AASDHPPT: variants seen among roughly 807,000 people sequenced by gnomAD.
AASDHPPT encodes aminoadipate-semialdehyde dehydrogenase-phosphopantetheinyl transferase.
In AASDHPPT, 23 loss-of-function variants were observed where a neutral mutation model predicts 36.4. The ratio of observed to expected loss-of-function variants is 0.63; its 90% CI spans 0.45 to 0.89. AASDHPPT has a LOEUF of 0.89. Among genes scored for constraint, AASDHPPT ranks in the 40% least tolerant of loss-of-function variants. The pLI is 0.00. For synonymous variants in AASDHPPT, 115 were observed against 128.0 expected (o/e 0.90, Z 0.68); for missense variants, 377 against 378.2 (o/e 1.00, Z 0.03).
intron 2 of AASDHPPT, among the ~76,000 whole-genome samples, chr11:106,084,734 A>T (rs1259240654): frequency 6.6e-6 from 1 of 151,938 alleles, no homozygotes; most frequent in African/African-American, 2.4e-5. Context: ...GGTTCAAGCA[A>T]TTCTTTTGCC....
intron 2 of AASDHPPT, among the ~76,000 whole-genome samples, chr11:106,082,094 T>C (rs1861149208): frequency 6.6e-6 from 1 of 152,168 alleles, no homozygotes; most frequent in Admixed American, 6.5e-5. Flanking sequence ...ATTGTGTTAT[T>C]AGACCTCCCC....
chr11:106,088,979 G>A (rs1341165163), intron 2 of AASDHPPT, among the ~76,000 whole-genome samples: 2 of 151,964 alleles, frequency 1.3e-5, no homozygotes, highest in Admixed American at 6.6e-5. Flanking sequence ...TGACAGAACC[G>A]ATTTTTAATA....
At chr11:106,090,132 A>G (rs1861240503) in intron 2 of AASDHPPT, among the ~76,000 whole-genome samples, 2 of 152,032 alleles carry the variant, frequency 1.3e-5, no homozygotes, top group African/African-American at 4.8e-5. Flanking sequence ...TTAGAATAAT[A>G]TGGCTCTACT....
chr11:106,088,761 TGGCCCCAAAAGG>T, intron 2 of AASDHPPT, among the ~76,000 whole-genome samples: 1 of 152,148 alleles, frequency 6.6e-6, no homozygotes, highest in African/African-American at 2.4e-5. Context: ...AAGGGATCCA[TGGCCCCAAAAGG>T]GGTAAGAATT....
chr11:106,093,674 T>C (rs1456259142), intron 4 of AASDHPPT: 1 of 152,224 alleles, frequency 6.6e-6, no homozygotes, highest in Non-Finnish European at 1.5e-5. Context: ...TGACGTTTTA[T>C]GGAAGAATGC....
At chr11:106,078,858 G>A (rs1297447355) in intron 1 of AASDHPPT, among the ~76,000 whole-genome samples, 2 of 152,140 alleles carry the variant, frequency 1.3e-5, no homozygotes, top group East Asian at 3.8e-4. Flanking sequence ...TTGGAGGTGG[G>A]AGAGAGCAGA....
At chr11:106,091,737 C>T in intron 4 of AASDHPPT, 1 of 281,806 alleles carries the variant, frequency 3.5e-6, no homozygotes, top group Non-Finnish European at 6.5e-6. Flanking sequence ...TATGAACAGC[C>T]AAACGCAGCC....
rs143506866 is a variant in AASDHPPT, at chr11:106,079,746, A to G, written c.409+54A>G. ...TTAAGTGTCTCGATGCCTCAGTTCTATTGCTATTGAGTAATCTCAGGCCAG... is the reference window on the plus strand; with the variant it reads ...TTAAGTGTCTCGATGCCTCAGTTCTGTTGCTATTGAGTAATCTCAGGCCAG... On this transcript the variant is annotated intron_variant, in intron 2 of 5. Transcript: ENST00000278618. 553 of 1,453,212 alleles carry G rather than the reference A, an allele frequency of 3.8e-4. 2 individuals carry two copies. The highest frequency in any genetic ancestry group is 3.5e-3 in the African/African-American group (252 of 71,412). The allele number at this position is 1,453,212 out of a possible 1,614,324, so 90.0% of individuals were successfully genotyped here.
chr11:106,085,713 C>G (rs981648462), intron 2 of AASDHPPT, among the ~76,000 whole-genome samples: 2 of 152,202 alleles, frequency 1.3e-5, no homozygotes, highest in Admixed American at 1.3e-4. Flanking sequence ...TGACAACAAC[C>G]TCAGAGCTAA....
In AASDHPPT at chr11:106,077,706, A is replaced by T; in HGVS notation, c.-5A>T. ...CGAGATAGCGGCGAGGTCCGCTTTC[A>T]GTGTATGGTTTTCCCTGCCAAACGG... is the stretch of plus-strand genomic sequence containing the variant. On this transcript the variant is annotated 5_prime_UTR_variant, in exon 1 of 6. Coordinates refer to ENST00000278618, the MANE Select transcript of AASDHPPT (RefSeq NM_015423.3). The T allele has an allele frequency of 6.2e-7, 1 of 1,608,516 alleles. No homozygotes were observed. Among genetic ancestry groups the T allele is most frequent in the Non-Finnish European group, 8.5e-7 (1 of 1,175,752 alleles).
chr11:106,091,630 G>A, intron 4 of AASDHPPT, 153 bp downstream of exon 4: 1 of 672,640 alleles, frequency 1.5e-6, no homozygotes, highest in Non-Finnish European at 2.4e-6. Context: ...ATGAGAGCAT[G>A]TAACATTTAT....
At chr11:106,086,644 T>C (rs1861201328) in intron 2 of AASDHPPT, among the ~76,000 whole-genome samples, 1 of 152,164 alleles carries the variant, frequency 6.6e-6, no homozygotes, top group South Asian at 2.1e-4. Context: ...CTAAATCTCA[T>C]GTAAGTGTTA....
At chr11:106,095,872 T>C (rs1194148646) in intron 5 of AASDHPPT, 1 of 152,236 alleles carries the variant, frequency 6.6e-6, no homozygotes, top group Non-Finnish European at 1.5e-5. Context: ...ACCTTTTGTT[T>C]TCATAGAGCT....
chr11:106,090,706 A>G, intron 3 of AASDHPPT, 28 bp downstream of exon 3: 2 of 1,574,262 alleles, frequency 1.3e-6, no homozygotes, highest in Non-Finnish European at 8.6e-7. Context: ...TTTGAAAGCA[A>G]AAGTCTATAA....
At chr11:106,082,214 G>A (rs1861151176) in intron 2 of AASDHPPT, among the ~76,000 whole-genome samples, 1 of 152,068 alleles carries the variant, frequency 6.6e-6, no homozygotes, top group Admixed American at 6.6e-5. Context: ...AACACAGAAA[G>A]GAAGAGAGAT....
At chr11:106,089,287 C>T (rs1044772327) in intron 2 of AASDHPPT, among the ~76,000 whole-genome samples, 5 of 151,890 alleles carry the variant, frequency 3.3e-5, no homozygotes, top group African/African-American at 1.2e-4. Flanking sequence ...TATCAGCTAT[C>T]ATAAGAATTG....
In AASDHPPT at chr11:106,094,574, A is replaced by G; in HGVS notation, c.694-9A>G. 1 of 1,593,406 alleles carries G rather than the reference A, an allele frequency of 6.3e-7. No homozygotes were observed. The highest frequency in any genetic ancestry group is 2.2e-5 in the East Asian group (1 of 44,474). On this transcript the variant is annotated splice_polypyrimidine_tract_variant and intron_variant, in intron 4 of 5. Transcript: ENST00000278618. ...TATAATCTATATTTATTTACCTTTT[A>G]TCTTTCAGGAAAGCAAAATAGATGA... is the stretch of plus-strand genomic sequence containing the variant.
At chr11:106,080,408 T>G (rs1385327238) in intron 2 of AASDHPPT, among the ~76,000 whole-genome samples, 1 of 152,198 alleles carries the variant, frequency 6.6e-6, no homozygotes, top group Non-Finnish European at 1.5e-5. Context: ...GAGCAAGCAT[T>G]ATTAAAATAT....
intron 2 of AASDHPPT, among the ~76,000 whole-genome samples, chr11:106,080,814 G>T (rs1228948680): frequency 2.6e-5 from 4 of 152,152 alleles, no homozygotes; most frequent in Non-Finnish European, 5.9e-5. Context: ...AGTCTGTAAG[G>T]CTTGTATTAA....
Sources: gnomAD v4.1 joint callset for allele counts (sites outside exome capture counted in the v4.1 genomes callset) on GRCh38, gnomAD v4.1.1 for gene constraint, MANE v1.5 for transcripts, NCBI Gene and HGNC (gene_info 2026-07-23, HGNC 2026-07-21) for gene names.